The following RPTOR variants were observed in gnomAD, a reference collection of about 807,000 sequenced individuals.
RPTOR encodes the protein regulatory-associated protein of mTOR.
RPTOR carries 21 observed loss-of-function variants against 169.9 expected under a neutral mutation model. The ratio of observed to expected loss-of-function variants is 0.12; its 90% CI spans 0.09 to 0.18. The LOEUF is 0.18. Among genes scored for constraint, RPTOR ranks in the 10% least tolerant of loss-of-function variants. The pLI, the probability that RPTOR is intolerant of heterozygous loss-of-function variation, is 1.00. For missense variants in RPTOR, 1,133 were observed against 1,855.9 expected (o/e 0.61, Z 7.16); for synonymous variants, 732 against 753.2 (o/e 0.97, Z 0.46).
In RPTOR at chr17:80,775,090, C is replaced by T. The variant is rs886107085; in HGVS notation, c.831-16360C>T. ...CCTCAGCCGCCCCACAAGCCTGGCC[C>T]GGGGCCAGGCTTCCAGCCGCTGCTT... On this transcript the variant is annotated intron_variant, in intron 6 of 33. Transcript: ENST00000306801. 9.1e-4 allele frequency among the ~76,000 whole-genome samples: 139 copies of T among 152,290 alleles called. 1 individual carries two copies. The highest frequency in any genetic ancestry group is 2.7e-3 in the African/African-American group (113 of 41,574).
intron 2 of RPTOR, among the ~76,000 whole-genome samples, chr17:80,631,852 T>A (rs2065444840): frequency 6.6e-6 from 1 of 152,098 alleles, no homozygotes; most frequent in Admixed American, 6.5e-5. Context: ...AGCAGGAGGA[T>A]TGCTTGAGCT....
intron 3 of RPTOR, among the ~76,000 whole-genome samples, chr17:80,656,387 A>T (rs1267584968): frequency 1.3e-5 from 2 of 152,202 alleles, no homozygotes; most frequent in Admixed American, 6.5e-5. Flanking sequence ...ATTTTAAATC[A>T]GGTCTGTACT....
In RPTOR at chr17:80,947,117, G is replaced by T. The variant is rs570547198; in HGVS notation, c.3141-110G>T. ...CAGGTGTGAGCCGCCGTGCCCGGCT[G>T]TGGTGTGTGGTTTTTTGATAGCAGC... On this transcript the variant is annotated intron_variant, in intron 26 of 33. Transcript: ENST00000306801. This position sits in a 1 kb window ranked among gnomAD's most constrained non-coding sequence, Gnocchi z 4.4. 3 of 1,106,428 alleles carry T rather than the reference G, an allele frequency of 2.7e-6. No individual in the cohort carries two copies. In the South Asian group the frequency reaches 5.5e-5, roughly 20 times the overall value. The allele number at this position is 1,106,428 out of a possible 1,614,324, so 68.5% of individuals were successfully genotyped here. A position where few individuals can be genotyped will look rare whatever the true frequency, so the allele number is the denominator to read the frequency against.
intron 1 of RPTOR, among the ~76,000 whole-genome samples, chr17:80,608,829 C>G (rs530588265): frequency 2.6e-5 from 4 of 152,318 alleles, no homozygotes; most frequent in East Asian, 1.9e-4. Flanking sequence ...TGGGCAGATG[C>G]GGGAACAGGT....
intron 3 of RPTOR, among the ~76,000 whole-genome samples, chr17:80,706,446 G>A (rs953069397): frequency 1.3e-5 from 2 of 152,140 alleles, no homozygotes; most frequent in African/African-American, 4.8e-5. Context: ...TCCTTGGCCC[G>A]TTCTCCTCAC....
chr17:80,616,866 C>G (rs376338340), intron 1 of RPTOR, among the ~76,000 whole-genome samples: 56 of 152,174 alleles, frequency 3.7e-4, no homozygotes, highest in African/African-American at 1.3e-3. Context: ...AAACACGACT[C>G]GATCTCTTAA....
At chr17:80,874,997 G>A (rs531343293) in intron 13 of RPTOR, among the ~76,000 whole-genome samples, 2 of 152,300 alleles carry the variant, frequency 1.3e-5, no homozygotes, top group East Asian at 1.9e-4. Flanking sequence ...GTGAAATCGC[G>A]CGTGGTAGGG....
At position 80,754,272 on chromosome 17, in the gene RPTOR, C is replaced by G; in HGVS notation, c.830+87C>G. On this transcript the variant is annotated intron_variant, in intron 6 of 33. Coordinates refer to ENST00000306801, the MANE Select transcript of RPTOR (RefSeq NM_020761.3). The surrounding 1 kb of genome is among the most constrained non-coding windows in gnomAD (Gnocchi z 4.2). ...ACCCATGTGGGCCCCAGGCATTCAC[C>G]TGGTCCCAGGAGCCCACGTGACAGA... is the stretch of plus-strand genomic sequence containing the variant. 7.3e-7 allele frequency: 1 copy of G among 1,365,364 alleles called. No homozygotes were observed. Among genetic ancestry groups the G allele is most frequent in the Non-Finnish European group, 9.9e-7 (1 of 1,008,944 alleles). 84.6% of individuals were successfully genotyped at this position (1,365,364 alleles called of 1,614,324 possible). A position where few individuals can be genotyped will look rare whatever the true frequency, so the allele number is the denominator to read the frequency against.
At chr17:80,829,955 C>T (rs2067485414) in intron 9 of RPTOR, among the ~76,000 whole-genome samples, 1 of 152,154 alleles carries the variant, frequency 6.6e-6, no homozygotes, top group African/African-American at 2.4e-5. Flanking sequence ...CAGCGTGAAT[C>T]TAGAGCTAAA....
At chr17:80,913,341 G>A (rs2068634322) in intron 21 of RPTOR, among the ~76,000 whole-genome samples, 1 of 152,086 alleles carries the variant, frequency 6.6e-6, no homozygotes, top group African/African-American at 2.4e-5. Context: ...CAGCTCCAGA[G>A]CTGTGGTCTG....
chr17:80,798,030 TC>T (rs1411862168), intron 7 of RPTOR, among the ~76,000 whole-genome samples: 3 of 152,210 alleles, frequency 2.0e-5, no homozygotes, highest in African/African-American at 7.2e-5. Flanking sequence ...TTATTTCCCT[TC>T]ACTGAACATG....
chr17:80,700,716 T>A (rs2066087868), intron 3 of RPTOR, among the ~76,000 whole-genome samples: 1 of 102,526 alleles, frequency 9.8e-6, no homozygotes, highest in Non-Finnish European at 2.1e-5. Context: ...GTGATGGTGG[T>A]GGTGGTGGTG....
At chr17:80,734,782 C>T (rs1020014383) in intron 5 of RPTOR, among the ~76,000 whole-genome samples, 5 of 152,158 alleles carry the variant, frequency 3.3e-5, no homozygotes, top group Admixed American at 3.3e-4. Flanking sequence ...TCCTTGGAGT[C>T]AACTAACTGT....
In RPTOR at chr17:80,743,753, GGC is replaced by G. The variant is rs1567887196; in HGVS notation, c.655-10256_655-10255del. ...CAGCCCTGGCTACTAGCAGAGCCCT[GGC>G]TACTAGCACTCTCCTGGTTACTAGC... is the stretch of plus-strand genomic sequence containing the variant. On this transcript the variant is annotated intron_variant, in intron 5 of 33. Coordinates refer to ENST00000306801, the MANE Select transcript of RPTOR (RefSeq NM_020761.3). Among the ~76,000 whole-genome samples the G allele has an allele frequency of 8.6e-5, 12 of 139,490 alleles. 1 individual carries two copies. Among genetic ancestry groups the G allele is most frequent in the African/African-American group, 3.1e-4 (11 of 35,896 alleles). The allele number at this position is 139,490 out of a possible 152,430, so 91.5% of individuals were successfully genotyped here. A position where few individuals can be genotyped will look rare whatever the true frequency, so the allele number is the denominator to read the frequency against.
chr17:80,691,898 T>C (rs563280978), intron 3 of RPTOR, among the ~76,000 whole-genome samples: 53 of 152,334 alleles, frequency 3.5e-4, no homozygotes, highest in Admixed American at 1.7e-3. Context: ...TACAGCTGTA[T>C]CTGCTTCTTT....
intron 4 of RPTOR, among the ~76,000 whole-genome samples, chr17:80,727,712 G>A (rs2066352115): frequency 6.6e-6 from 1 of 152,186 alleles, no homozygotes; most frequent in Non-Finnish European, 1.5e-5. Flanking sequence ...GAGAAAATCA[G>A]ATATTAGCCT....
intron 7 of RPTOR, among the ~76,000 whole-genome samples, chr17:80,795,817 G>A (rs180884082): frequency 3.9e-5 from 6 of 152,250 alleles, no homozygotes; most frequent in Non-Finnish European, 4.4e-5. Flanking sequence ...CAGCAGTGCC[G>A]AGGGCATCAC....
At chr17:80,619,850 A>G (rs2065341821) in intron 1 of RPTOR, among the ~76,000 whole-genome samples, 1 of 152,228 alleles carries the variant, frequency 6.6e-6, no homozygotes, top group African/African-American at 2.4e-5. Flanking sequence ...CTGGCACCAA[A>G]GGAGCATCAA....
chr17:80,546,500 A>T (rs554251505), intron 1 of RPTOR, among the ~76,000 whole-genome samples: 1 of 139,340 alleles, frequency 7.2e-6, no homozygotes, highest in Non-Finnish European at 1.6e-5. Context: ...AAAACAGCCG[A>T]ATTTTGTTGG....
Sources: allele counts gnomAD v4.1 joint callset (sites outside exome capture counted in the v4.1 genomes callset), GRCh38; gene constraint gnomAD v4.1.1; non-coding constraint Gnocchi (gnomAD v3.1); transcripts MANE v1.5; gene names NCBI Gene and HGNC (gene_info 2026-07-23, HGNC 2026-07-21).